Variants in TCF7 observed in about 807,000 individuals in gnomAD.
TCF7 encodes the protein transcription factor 7.
Under a neutral mutation model 46.8 loss-of-function variants are expected in TCF7, and 19 were observed. That is an observed-to-expected ratio of 0.41 (90% CI 0.28 to 0.60). TCF7 has a LOEUF of 0.60. TCF7 is among the 20% of genes least tolerant of loss of function. The pLI, the probability that TCF7 is intolerant of heterozygous loss-of-function variation, is 0.35. For synonymous variants in TCF7, 245 were observed against 213.4 expected (o/e 1.15, Z -1.29); for missense variants, 547 against 504.6 (o/e 1.08, Z -0.81).
Position 134,142,835 on chromosome 5 carries a change from G to A in TCF7, c.870G>A (p.Glu290=). 6.2e-7 allele frequency: 1 copy of A among 1,614,186 alleles called. No individual in the cohort carries two copies. Among genetic ancestry groups the A allele is most frequent in the Non-Finnish European group, 8.5e-7 (1 of 1,180,014 alleles). Residue 290 remains glutamate (E), a synonymous_variant, in exon 7 of 10, where the codon GAG becomes GAA. Transcript: ENST00000342854. ...AGATGAGAGCCAAGGTCATTGCAGAGTGCACACTTAAGGAGAGCGCTGCCA... is the reference window on the plus strand; with the variant it reads ...AGATGAGAGCCAAGGTCATTGCAGAATGCACACTTAAGGAGAGCGCTGCCA... The part of the protein sequence containing the change: ...MKEMRAKVIA[E]CTLKESAAIN...
Position 134,115,987 on chromosome 5 carries a change from C to G in TCF7, c.395C>G (p.Pro132Arg). Residue 132 changes from proline (P) to arginine (R), a missense_variant, in exon 3 of 10, where the codon CCA becomes CGA. Transcript: ENST00000342854. ...YSAFNLLMHY[P>R]PPSGAGQHPQ... ...GCCTTCAATCTGCTCATGCATTACC[C>G]ACCCCCCTCGGGAGCAGGGCAGCAC... 6.2e-7 allele frequency: 1 copy of G among 1,613,902 alleles called. No homozygotes were observed. Among genetic ancestry groups the G allele is most frequent in the African/African-American group, 1.3e-5 (1 of 75,074 alleles).
intron 3 of TCF7, among the ~76,000 whole-genome samples, chr5:134,126,237 C>T (rs972784206): frequency 1.3e-5 from 2 of 152,148 alleles, no homozygotes; most frequent in Admixed American, 6.5e-5. Context: ...GGCTGGCCAC[C>T]GAGTGCGTGC....
chr5:134,130,538 AAG>A (rs1757974198), intron 3 of TCF7, among the ~76,000 whole-genome samples: 1 of 152,244 alleles, frequency 6.6e-6, no homozygotes, highest in Non-Finnish European at 1.5e-5. Flanking sequence ...GTCTGTCCAG[AAG>A]AAGGGGTGCT....
intron 3 of TCF7, chr5:134,123,734 G>A (rs556869862): frequency 1.3e-5 from 6 of 456,220 alleles, no homozygotes; most frequent in South Asian, 3.1e-5. Context: ...GCTGATGGGC[G>A]CATGCAGCAT....
intron 3 of TCF7, 50 bp downstream of exon 3, chr5:134,116,083 C>G: frequency 1.3e-6 from 2 of 1,571,032 alleles, no homozygotes; most frequent in Non-Finnish European, 1.7e-6. Context: ...GCCTCCTTGA[C>G]CAGGTAGGTG....
At chr5:134,111,486 G>A (rs901532723), upstream of TCF7, among the ~76,000 whole-genome samples, 1 of 152,116 alleles carries the variant, frequency 6.6e-6, no homozygotes, top group Non-Finnish European at 1.5e-5. Context: ...TATCATCTGT[G>A]TATGTGATCT....
chr5:134,122,161 T>C (rs934459417), intron 3 of TCF7, among the ~76,000 whole-genome samples: 1 of 151,884 alleles, frequency 6.6e-6, no homozygotes, highest in Non-Finnish European at 1.5e-5. Flanking sequence ...GAGAGCACCA[T>C]GAAGGGGGCC....
At chr5:134,122,604 C>T (rs1022949825) in intron 3 of TCF7, among the ~76,000 whole-genome samples, 14 of 152,138 alleles carry the variant, frequency 9.2e-5, no homozygotes, top group East Asian at 5.8e-4. Context: ...GGTTTAAAGT[C>T]GCATAACTGC....
intron 3 of TCF7, among the ~76,000 whole-genome samples, chr5:134,117,774 T>G (rs1475372674): frequency 6.6e-6 from 1 of 152,196 alleles, no homozygotes. Flanking sequence ...CTACAGCAGA[T>G]ACATTTCTAT....
intron 6 of TCF7, 94 bp from the exon 7 acceptor site, chr5:134,142,627 A>T (rs960953180): frequency 6.7e-7 from 1 of 1,490,172 alleles, no homozygotes; most frequent in African/African-American, 1.4e-5. Flanking sequence ...GGTATCATAC[A>T]CTTAGGCACA....
chr5:134,115,499 G>T, intron 2 of TCF7, 112 bp downstream of exon 2: 1 of 1,490,336 alleles, frequency 6.7e-7, no homozygotes. Context: ...CGCAGCTCAG[G>T]AGGCGGCAGA....
chr5:134,135,398 AAGG>A (rs1758723997), intron 3 of TCF7, among the ~76,000 whole-genome samples: 1 of 152,150 alleles, frequency 6.6e-6, no homozygotes, highest in Admixed American at 6.5e-5. Flanking sequence ...GCATGGGTCT[AAGG>A]AGGGAGCTGC....
At chr5:134,145,857 G>A in intron 9 of TCF7, 2 of 1,604,712 alleles carry the variant, frequency 1.2e-6, no homozygotes, top group Non-Finnish European at 1.7e-6. Context: ...CATAGGCATT[G>A]CGGCCCCTTG....
upstream of TCF7, among the ~76,000 whole-genome samples, chr5:134,110,812 G>A (rs1435966613): frequency 6.6e-6 from 1 of 152,236 alleles, no homozygotes; most frequent in East Asian, 1.9e-4. Context: ...GTCAGAAAAG[G>A]TCAGAGTTCA....
In TCF7 at chr5:134,143,616, G is replaced by A; in HGVS notation, c.1051G>A (p.Glu351Lys). The A allele has an allele frequency of 1.2e-6, 2 of 1,614,074 alleles. No homozygotes were observed. The highest frequency in any genetic ancestry group is 1.7e-6 in the Non-Finnish European group (2 of 1,180,016). ...GGGGAAGAAGAAGAGGCGGTCGAGG[G>A]AAAAGCACCAAGAATCCACCACAGG... ...NYGKKKRRSR[E>K]KHQESTTGGK... The change falls in exon 9 of 10, where the codon GAA (glutamate) becomes AAA (lysine). Residue 351 changes from glutamate (E) to lysine (K), a missense_variant. Physicochemically the swap from Glu to Lys is moderately conservative, Grantham distance 56. Transcript: ENST00000342854.
chr5:134,138,111 A>T lies in TCF7; in HGVS notation c.494A>T (p.His165Leu), dbSNP rs762574704. The change falls in exon 4 of 10, where the codon CAT (histidine) becomes CTT (leucine). Residue 165 changes from histidine (H) to leucine (L), a missense_variant. Coordinates refer to ENST00000342854, the MANE Select transcript of TCF7 (RefSeq NM_003202.5). ...HGVPQLSLYE[H>L]FNSPHPTPAP... Reference sequence around the variant, plus strand: ...GTCCCCCAACTCTCTCTCTACGAACATTTCAACAGCCCACATCCCACCCCT... The same window carrying T: ...GTCCCCCAACTCTCTCTCTACGAACTTTTCAACAGCCCACATCCCACCCCT... The T allele has an allele frequency of 6.2e-7, 1 of 1,612,706 alleles. No homozygotes were observed.
chr5:134,138,259 C>G, intron 4 of TCF7, 95 bp downstream of exon 4: 1 of 1,093,182 alleles, frequency 9.1e-7, no homozygotes, highest in Non-Finnish European at 1.4e-6. Flanking sequence ...CATTTTATAA[C>G]TGGAGAACCT....
At chr5:134,134,176 G>A (rs1283090736) in intron 3 of TCF7, among the ~76,000 whole-genome samples, 1 of 152,234 alleles carries the variant, frequency 6.6e-6, no homozygotes, top group Non-Finnish European at 1.5e-5. Flanking sequence ...CACTACCTTG[G>A]GGCAGAGCCC....
At chr5:134,137,149 G>A (rs981993130) in intron 3 of TCF7, among the ~76,000 whole-genome samples, 9 of 152,178 alleles carry the variant, frequency 5.9e-5, no homozygotes, top group Non-Finnish European at 8.8e-5. Flanking sequence ...TTGGCTGGGC[G>A]CAGTTGGCTC....
Sources: allele counts gnomAD v4.1 joint callset (sites outside exome capture counted in the v4.1 genomes callset), GRCh38; gene constraint gnomAD v4.1.1; transcripts MANE v1.5; gene names NCBI Gene and HGNC (gene_info 2026-07-23, HGNC 2026-07-21).